The following DLGAP1 variants were observed in gnomAD, a reference collection of about 807,000 sequenced individuals.
The protein encoded by DLGAP1 is DLG associated protein 1.
Under a neutral mutation model 90.8 loss-of-function variants are expected in DLGAP1, and 11 were observed. The ratio of observed to expected loss-of-function variants is 0.12; its 90% CI spans 0.08 to 0.20. The LOEUF is 0.20. Among genes scored for constraint, DLGAP1 ranks in the 10% least tolerant of loss-of-function variants. DLGAP1 has a pLI of 1.00. For missense variants in DLGAP1, 1,050 were observed against 1,333.8 expected, an observed-to-expected ratio of 0.79 and a Z score of 3.31; for synonymous variants, 558 against 540.7, an observed-to-expected ratio of 1.03 and a Z score of -0.44.
intron 1 of DLGAP1, among the ~76,000 whole-genome samples, chr18:4,258,117 G>A (rs998483636): frequency 9.9e-5 from 15 of 151,858 alleles, no homozygotes; most frequent in African/African-American, 1.4e-4. Context: ...GCAGTGGCAC[G>A]ATCACAGCTC....
chr18:3,991,105 A>C (rs2073958223), intron 3 of DLGAP1, among the ~76,000 whole-genome samples: 1 of 152,080 alleles, frequency 6.6e-6, no homozygotes, highest in South Asian at 2.1e-4. Context: ...AATCAGCATA[A>C]AACTTTATAG....
At chr18:3,585,934 A>G (rs2055854097) in intron 7 of DLGAP1, among the ~76,000 whole-genome samples, 2 of 152,168 alleles carry the variant, frequency 1.3e-5, no homozygotes, top group Admixed American at 6.5e-5. Context: ...ATTGTTTCCA[A>G]CGCATGACTG....
chr18:4,104,200 CTTATTT>C (rs1247497434), intron 2 of DLGAP1, among the ~76,000 whole-genome samples: 1 of 152,068 alleles, frequency 6.6e-6, no homozygotes, highest in Non-Finnish European at 1.5e-5. Context: ...GAATTTCATG[CTTATTT>C]TAGAGATAGA....
intron 1 of DLGAP1, among the ~76,000 whole-genome samples, chr18:4,269,586 C>T (rs1330788579): frequency 1.3e-5 from 2 of 151,908 alleles, no homozygotes; most frequent in Non-Finnish European, 2.9e-5. Flanking sequence ...GATCTCCTGA[C>T]CTTGTGATCC....
chr18:3,669,209 T>G (rs2059992138), intron 7 of DLGAP1, among the ~76,000 whole-genome samples: 1 of 152,024 alleles, frequency 6.6e-6, no homozygotes, highest in Admixed American at 6.6e-5. Context: ...ACTGCATCTT[T>G]AAAATCTTGC....
intron 2 of DLGAP1, among the ~76,000 whole-genome samples, chr18:4,124,600 C>T (rs2076203979): frequency 6.6e-6 from 1 of 152,212 alleles, no homozygotes; most frequent in African/African-American, 2.4e-5. Flanking sequence ...TTCAGAAATC[C>T]TTCACCATAA....
At chr18:3,720,512 T>G (rs570987834) in intron 7 of DLGAP1, among the ~76,000 whole-genome samples, 1 of 152,286 alleles carries the variant, frequency 6.6e-6, no homozygotes, top group Non-Finnish European at 1.5e-5. Context: ...CCCTGAAAAC[T>G]TGACAGAAAG....
At chr18:3,885,153 T>C (rs2071275772) in intron 3 of DLGAP1, among the ~76,000 whole-genome samples, 1 of 152,230 alleles carries the variant, frequency 6.6e-6, no homozygotes, top group East Asian at 1.9e-4. Context: ...CTTCCTTCTC[T>C]CATTCTTCAT....
intron 6 of DLGAP1, among the ~76,000 whole-genome samples, chr18:3,735,120 T>A (rs1463594608): frequency 6.6e-6 from 1 of 152,256 alleles, no homozygotes; most frequent in Non-Finnish European, 1.5e-5. Context: ...GTGGACAATT[T>A]GCTTGAATTC....
chr18:4,343,523 A>G (rs907412536), intron 1 of DLGAP1, among the ~76,000 whole-genome samples: 3 of 152,130 alleles, frequency 2.0e-5, no homozygotes, highest in Non-Finnish European at 2.9e-5. Flanking sequence ...CCAAACTCTG[A>G]TATTAAGAAT....
intron 3 of DLGAP1, among the ~76,000 whole-genome samples, chr18:3,930,456 T>C (rs1334702195): frequency 1.3e-5 from 2 of 152,220 alleles, no homozygotes; most frequent in Non-Finnish European, 2.9e-5. Flanking sequence ...CATTAGTTCA[T>C]TTTTAGCATT....
chr18:3,944,305 G>C (rs1276775724), intron 3 of DLGAP1, among the ~76,000 whole-genome samples: 1 of 152,168 alleles, frequency 6.6e-6, no homozygotes, highest in Non-Finnish European at 1.5e-5. Flanking sequence ...AGACCAGCCT[G>C]GCCAAGATGG....
intron 1 of DLGAP1, among the ~76,000 whole-genome samples, chr18:4,423,344 A>G (rs909305569): frequency 1.3e-5 from 2 of 152,208 alleles, no homozygotes; most frequent in Non-Finnish European, 2.9e-5. Context: ...AAGGTGAGAA[A>G]TGGCACACAA....
At chr18:3,697,873 T>G (rs1172468892) in intron 7 of DLGAP1, among the ~76,000 whole-genome samples, 2 of 152,206 alleles carry the variant, frequency 1.3e-5, no homozygotes, top group East Asian at 3.9e-4. Context: ...TGCTCCTATA[T>G]TAGATGCATA....
intron 10 of DLGAP1, among the ~76,000 whole-genome samples, chr18:3,524,740 T>C (rs2051491339): frequency 6.6e-6 from 1 of 152,098 alleles, no homozygotes; most frequent in Admixed American, 6.5e-5. Flanking sequence ...ATGAAAGTCA[T>C]GTGGATTTGT....
intron 2 of DLGAP1, among the ~76,000 whole-genome samples, chr18:4,012,995 G>A (rs930492698): frequency 2.4e-4 from 36 of 152,066 alleles, no homozygotes; most frequent in African/African-American, 8.5e-4. Flanking sequence ...GTGAGCCACC[G>A]GTCCCGGCCC....
chr18:3,879,890 G>C lies in DLGAP1; in HGVS notation c.179C>G (p.Pro60Arg). The stretch of plus-strand genomic sequence containing the variant: ...GCTGCTGGCCAGCGGGTCGCTGAAG[G>C]GGCCCACGCACTCAGCCTGGAAGGA... ...RNSFQAECVG[P>R]FSDPLASSTF... Residue 60 changes from proline (P) to arginine (R), a missense_variant, in exon 4 of 13, where the codon CCC (proline) becomes CGC (arginine). Pro to Arg is a moderately radical substitution (Grantham distance 103, BLOSUM62 -2). This residue lies in a region of DLGAP1 where 485 missense variants were observed against 454.1 expected (regional missense o/e 1.07). Transcript: ENST00000315677. This position sits in a 1 kb window ranked among gnomAD's most constrained non-coding sequence, Gnocchi z 6.6. The C allele has an allele frequency of 7.4e-6, 12 of 1,611,848 alleles. No individual in the cohort carries two copies. Among genetic ancestry groups the C allele is most frequent in the Non-Finnish European group, 1.0e-5 (12 of 1,179,634 alleles).
At chr18:4,221,761 C>T (rs113221755) in intron 1 of DLGAP1, among the ~76,000 whole-genome samples, 5 of 152,160 alleles carry the variant, frequency 3.3e-5, no homozygotes, top group Admixed American at 2.0e-4. Flanking sequence ...TGACTTTTTG[C>T]CTCCATTTTC....
At chr18:3,589,751 G>T (rs930595435) in intron 7 of DLGAP1, among the ~76,000 whole-genome samples, 41 of 152,086 alleles carry the variant, frequency 2.7e-4, no homozygotes, top group Admixed American at 2.0e-4. Context: ...AGCAACCTTG[G>T]ATTTGCTGTG....
Sources: gnomAD v4.1 joint callset for allele counts (sites outside exome capture counted in the v4.1 genomes callset) on GRCh38, gnomAD v4.1.1 for gene constraint, gnomAD v4.1.1 regional missense constraint, Gnocchi (gnomAD v3.1) non-coding constraint, MANE v1.5 for transcripts, NCBI Gene and HGNC (gene_info 2026-07-23, HGNC 2026-07-21) for gene names.